The following NKD1 variants were observed in gnomAD, a reference collection of about 807,000 sequenced individuals.
NKD1 encodes protein naked cuticle homolog 1.
Under a neutral mutation model 56.0 loss-of-function variants are expected in NKD1, and 21 were observed. The observed-to-expected ratio is 0.38, with a 90% CI of 0.27 to 0.54. The LOEUF is 0.54. NKD1 is among the 20% of genes least tolerant of loss of function. NKD1 has a pLI of 0.82. For synonymous variants in NKD1, 263 were observed against 265.7 expected, an observed-to-expected ratio of 0.99 and a Z score of 0.10; for missense variants, 578 against 642.7, an observed-to-expected ratio of 0.90 and a Z score of 1.09.
intron 8 of NKD1, among the ~76,000 whole-genome samples, chr16:50,631,787 GCA>G (rs1197723041): frequency 5.3e-5 from 8 of 152,092 alleles, no homozygotes; most frequent in Non-Finnish European, 8.8e-5. Flanking sequence ...ACATGCATGT[GCA>G]CACACACACT....
chr16:50,559,360 T>C (rs1960572971), intron 3 of NKD1, among the ~76,000 whole-genome samples: 1 of 152,152 alleles, frequency 6.6e-6, no homozygotes, highest in Admixed American at 6.5e-5. Flanking sequence ...TAGGGAGTGA[T>C]GCGTAAGTCG....
intron 3 of NKD1, chr16:50,571,550 AGTGACGG>A (rs948921995): frequency 1.0e-6 from 1 of 984,782 alleles, no homozygotes; most frequent in Non-Finnish European, 1.2e-6. Context: ...TCCCAGTCCC[AGTGACGG>A]GCTCTCCATT....
At position 50,639,476 on chromosome 16, in the gene NKD1, C is replaced by T. The variant is rs1327347199; in HGVS notation, c.*5695C>T. On this transcript the variant is annotated 3_prime_UTR_variant, in exon 10 of 10. Coordinates refer to ENST00000268459, the MANE Select transcript of NKD1 (RefSeq NM_033119.5). ...TGCCTTGGTGCACGTGGGGTGGAAT[C>T]CCAGTGGCCCTGCCTTGAGGAGGAT... 1 of 152,222 alleles carries T rather than the reference C, an allele frequency of 6.6e-6. No individual in the cohort carries two copies. The highest frequency in any genetic ancestry group is 6.5e-5 in the Admixed American group (1 of 15,284). The allele number at this position is 152,222 out of a possible 1,614,324, so 9.4% of individuals were successfully genotyped here.
chr16:50,563,561 C>T (rs1960692145), intron 3 of NKD1, among the ~76,000 whole-genome samples: 2 of 150,796 alleles, frequency 1.3e-5, no homozygotes, highest in Admixed American at 6.6e-5. Context: ...ATGGAGAAGA[C>T]CCTGTGTGTC....
At chr16:50,576,339 T>G (rs1179609191) in intron 3 of NKD1, among the ~76,000 whole-genome samples, 2 of 152,094 alleles carry the variant, frequency 1.3e-5, no homozygotes, top group African/African-American at 4.8e-5. Context: ...CCCTCTCCTC[T>G]CCTCCTCCAG....
intron 4 of NKD1, among the ~76,000 whole-genome samples, chr16:50,612,239 C>T (rs1278374151): frequency 6.6e-6 from 1 of 152,218 alleles, no homozygotes; most frequent in Non-Finnish European, 1.5e-5. Flanking sequence ...TGTGTTGGGG[C>T]CTGGGCCAGT....
intron 4 of NKD1, among the ~76,000 whole-genome samples, chr16:50,608,745 T>G (rs1961775539): frequency 6.6e-6 from 1 of 152,186 alleles, no homozygotes; most frequent in Admixed American, 6.5e-5. Context: ...ACAGTGCCTA[T>G]TCTGTTTCCT....
In NKD1 at chr16:50,633,717, AG is replaced by A; in HGVS notation, c.1350del (p.Arg451AspfsTer46). 1 of 1,580,790 alleles carries A rather than the reference AG, an allele frequency of 6.3e-7. No homozygotes were observed. The highest frequency in any genetic ancestry group is 8.6e-7 in the Non-Finnish European group (1 of 1,163,172). The stretch of plus-strand genomic sequence containing the variant: ...GAGAGCCAGGCCGGGCAGCCGGTCC[AG>A]AGACATGAGCACCACCACCACCATG... ...VYESQAGQPV[Q>X]RHEHHHHHEH... On this transcript the variant is annotated frameshift_variant, in exon 10 of 10. Coordinates refer to ENST00000268459, the MANE Select transcript of NKD1 (RefSeq NM_033119.5). LOFTEE classifies it high-confidence loss of function. The surrounding 1 kb of genome is among the most constrained non-coding windows in gnomAD (Gnocchi z 4.9).
At chr16:50,596,886 G>T (rs531812610) in intron 3 of NKD1, among the ~76,000 whole-genome samples, 2 of 152,216 alleles carry the variant, frequency 1.3e-5, no homozygotes, top group Non-Finnish European at 2.9e-5. Context: ...AGAGTCTTCC[G>T]GGTAGAGGGA....
chr16:50,619,392 C>T (rs1962036450), intron 4 of NKD1, among the ~76,000 whole-genome samples: 2 of 152,158 alleles, frequency 1.3e-5, no homozygotes, highest in Non-Finnish European at 2.9e-5. Flanking sequence ...TCAGTAAGCA[C>T]TTTCCTCATT....
Position 50,632,237 on chromosome 16 carries a change from C to G in NKD1, c.696-44C>G. 1.9e-6 allele frequency: 3 copies of G among 1,608,752 alleles called. No homozygotes were observed. Among genetic ancestry groups the G allele is most frequent in the Non-Finnish European group, 2.6e-6 (3 of 1,176,042 alleles). Reference sequence around the variant, plus strand: ...TAGTAGCCTATGCGCTTGCCCCCACCTGGTGGTTGGTGTTATCCCACTCAC... The same window carrying G: ...TAGTAGCCTATGCGCTTGCCCCCACGTGGTGGTTGGTGTTATCCCACTCAC... On this transcript the variant is annotated intron_variant, in intron 8 of 9. Transcript: ENST00000268459. The surrounding 1 kb of genome is among the most constrained non-coding windows in gnomAD (Gnocchi z 4.1).
chr16:50,630,756 A>T, intron 7 of NKD1, 70 bp from the exon 8 acceptor site: 1 of 1,375,834 alleles, frequency 7.3e-7, no homozygotes, highest in Non-Finnish European at 9.9e-7. Context: ...GCTGCACGCC[A>T]GGCAGCCCTG....
rs990661203 is a variant in NKD1, at chr16:50,571,023, G to A, written c.192+21468G>A. The A allele has an allele frequency of 1.3e-5, 13 of 981,748 alleles. No individual in the cohort carries two copies. In the Admixed American group the frequency reaches 1.8e-4, roughly 14 times the overall value. 60.8% of individuals were successfully genotyped at this position (981,748 alleles called of 1,614,324 possible). A position where few individuals can be genotyped will look rare whatever the true frequency, so the allele number is the denominator to read the frequency against. Reference sequence around the variant, plus strand: ...ACCCTCCTGGGTGTGCACCTGTCCCGCTGTCAGGGCCAGGCTGTGCTGGAC... The same window carrying A: ...ACCCTCCTGGGTGTGCACCTGTCCCACTGTCAGGGCCAGGCTGTGCTGGAC... On this transcript the variant is annotated intron_variant, in intron 3 of 9. Transcript: ENST00000268459.
intron 3 of NKD1, among the ~76,000 whole-genome samples, chr16:50,592,044 C>G (rs1226671737): frequency 6.6e-6 from 1 of 152,200 alleles, no homozygotes; most frequent in Non-Finnish European, 1.5e-5. Flanking sequence ...GCACCTGCCC[C>G]ATTTGCATTC....
rs1203373420 is a variant in NKD1, at chr16:50,640,802, A to T, written c.*7021A>T. On this transcript the variant is annotated 3_prime_UTR_variant, in exon 10 of 10. Transcript: ENST00000268459. ...TATTAGAAAAAGAATAGAAAATTGC[A>T]GTCCCTTACTGTTTAAAGAAAAACC... is the stretch of plus-strand genomic sequence containing the variant. 2 of 152,130 alleles carry T rather than the reference A, an allele frequency of 1.3e-5. No individual in the cohort carries two copies. The highest frequency in any genetic ancestry group is 2.9e-5 in the Non-Finnish European group (2 of 68,032). The allele number at this position is 152,130 out of a possible 1,614,324, so 9.4% of individuals were successfully genotyped here.
At chr16:50,628,716 G>A (rs1962277239) in intron 6 of NKD1, among the ~76,000 whole-genome samples, 1 of 152,178 alleles carries the variant, frequency 6.6e-6, no homozygotes, top group Non-Finnish European at 1.5e-5. Context: ...ATTTGGTCAA[G>A]TTCTCACAAA....
chr16:50,562,627 G>A (rs1026915686), intron 3 of NKD1, among the ~76,000 whole-genome samples: 1 of 152,090 alleles, frequency 6.6e-6, no homozygotes, highest in African/African-American at 2.4e-5. Flanking sequence ...GAATCTCTTG[G>A]GTGCTATTCA....
In NKD1 at chr16:50,636,214, G is replaced by C. The variant is rs1198313739; in HGVS notation, c.*2433G>C. On this transcript the variant is annotated 3_prime_UTR_variant, in exon 10 of 10. Transcript: ENST00000268459. ...AGACAGGAGGGGAGGGGTGCAGATC[G>C]GACAGGAAGTAATGGCATCCCAGGC... 1 of 152,096 alleles carries C rather than the reference G, an allele frequency of 6.6e-6. No homozygotes were observed. Among genetic ancestry groups the C allele is most frequent in the Non-Finnish European group, 1.5e-5 (1 of 68,040 alleles). The allele number at this position is 152,096 out of a possible 1,614,324, so 9.4% of individuals were successfully genotyped here. A position where few individuals can be genotyped will look rare whatever the true frequency, so the allele number is the denominator to read the frequency against.
At chr16:50,611,546 A>T (rs765568668) in intron 4 of NKD1, among the ~76,000 whole-genome samples, 6 of 152,192 alleles carry the variant, frequency 3.9e-5, no homozygotes, top group African/African-American at 1.4e-4. Flanking sequence ...CCTCAGCCCA[A>T]GGGTGGATGT....
Sources: gnomAD v4.1 joint callset for allele counts (sites outside exome capture counted in the v4.1 genomes callset) on GRCh38, gnomAD v4.1.1 for gene constraint, Gnocchi (gnomAD v3.1) non-coding constraint, MANE v1.5 for transcripts, NCBI Gene and HGNC (gene_info 2026-07-23, HGNC 2026-07-21) for gene names.